Variants in ADK observed in about 807,000 individuals in gnomAD.
The protein encoded by ADK is adenosine kinase.
ADK carries 24 observed loss-of-function variants against 44.7 expected under a neutral mutation model. That is an observed-to-expected ratio of 0.54 (90% confidence interval 0.39 to 0.76). The LOEUF (loss-of-function observed/expected upper bound fraction) is 0.76. Among genes scored for constraint, ADK ranks in the 30% least tolerant of loss-of-function variants. The pLI is 0.00. For missense variants in ADK, 321 were observed against 425.1 expected (o/e 0.76, Z 2.15); for synonymous variants, 128 against 142.6 (o/e 0.90, Z 0.73).
chr10:74,371,757 A>C (rs531308543), intron 4 of ADK: 10 of 1,376,242 alleles, frequency 7.3e-6, no homozygotes, highest in Non-Finnish European at 1.0e-5. Context: ...TGCTGATGTC[A>C]GTGTTATATC....
intron 9 of ADK, among the ~76,000 whole-genome samples, chr10:74,645,099 G>A (rs1278802090): frequency 6.6e-6 from 1 of 152,154 alleles, no homozygotes; most frequent in Non-Finnish European, 1.5e-5. Flanking sequence ...TTTCAAAATT[G>A]TATTCTTCTA....
intron 4 of ADK, among the ~76,000 whole-genome samples, chr10:74,389,130 T>C (rs1044518817): frequency 6.6e-6 from 1 of 152,216 alleles, no homozygotes; most frequent in Non-Finnish European, 1.5e-5. Flanking sequence ...TTCTAGAGCC[T>C]GCTACTCACT....
intron 1 of ADK, among the ~76,000 whole-genome samples, chr10:74,154,224 C>T (rs150102622): frequency 3.4e-3 from 513 of 152,060 alleles, no homozygotes; most frequent in African/African-American, 0.011. Flanking sequence ...CACATGTGTC[C>T]TTTCTATCTC....
chr10:74,516,507 G>GCTTTT (rs1166122511), intron 6 of ADK, among the ~76,000 whole-genome samples: 5 of 146,676 alleles, frequency 3.4e-5, no homozygotes, highest in East Asian at 3.9e-4. Flanking sequence ...CTCCTTTATT[G>GCTTTT]CTTTTCTTTT....
intron 3 of ADK, among the ~76,000 whole-genome samples, chr10:74,299,333 A>AC (rs1839922867): frequency 5.2e-5 from 1 of 19,298 alleles, no homozygotes; most frequent in Admixed American, 6.2e-4. Flanking sequence ...ATCTCTACTT[A>AC]AAAAAAAAAA....
intron 9 of ADK, among the ~76,000 whole-genome samples, chr10:74,624,335 T>G (rs1589308330): frequency 6.6e-6 from 1 of 152,188 alleles, no homozygotes; most frequent in Non-Finnish European, 1.5e-5. Context: ...TCTCTGCTGT[T>G]GTTAAGCTAT....
chr10:74,226,920 C>T (rs1198203132), intron 3 of ADK, among the ~76,000 whole-genome samples: 1 of 151,912 alleles, frequency 6.6e-6, no homozygotes, highest in Admixed American at 6.6e-5. Context: ...ACCTACATAC[C>T]AAAGAAAACT....
chr10:74,211,359 A>G (rs1022750610), intron 2 of ADK, among the ~76,000 whole-genome samples: 1 of 152,172 alleles, frequency 6.6e-6, no homozygotes, highest in Non-Finnish European at 1.5e-5. Context: ...TTATCCTTAC[A>G]AATATTTCTT....
In ADK at chr10:74,551,313, C is replaced by T. The variant is rs1450539379; in HGVS notation, c.726+25887C>T. On this transcript the variant is annotated intron_variant, in intron 7 of 10. Transcript: ENST00000539909. ...GAACAATAACACCTCTAGAAGAAAT[C>T]GTATGAAAATATCATGGTCTTGGTT... 3.9e-5 allele frequency: 6 copies of T among 152,240 alleles called. No individual in the cohort carries two copies. In the South Asian group the frequency reaches 6.2e-4, roughly 16 times the overall value. 9.4% of individuals were successfully genotyped at this position (152,240 alleles called of 1,614,324 possible).
intron 6 of ADK, among the ~76,000 whole-genome samples, chr10:74,466,518 A>G (rs1846364297): frequency 6.6e-6 from 1 of 152,148 alleles, no homozygotes; most frequent in Non-Finnish European, 1.5e-5. Context: ...TTATCATCTC[A>G]AAGGGAAAAG....
chr10:74,500,921 G>A (rs1421173870), intron 6 of ADK, among the ~76,000 whole-genome samples: 2 of 152,162 alleles, frequency 1.3e-5, no homozygotes, highest in Non-Finnish European at 2.9e-5. Flanking sequence ...AGAAGAAAAT[G>A]TCAGGGTCAA....
At chr10:74,423,740 C>A in intron 6 of ADK, 1 of 436,828 alleles carries the variant, frequency 2.3e-6, no homozygotes, top group African/African-American at 2.1e-5. Context: ...CATTTCTTGG[C>A]TGGTGCAAAT....
intron 6 of ADK, among the ~76,000 whole-genome samples, chr10:74,473,502 G>T (rs1478997503): frequency 1.3e-5 from 2 of 152,170 alleles, no homozygotes; most frequent in African/African-American, 4.8e-5. Context: ...TCATTGTCAT[G>T]TTGCTCTGTC....
intron 6 of ADK, among the ~76,000 whole-genome samples, chr10:74,426,305 G>T (rs1006643028): frequency 6.6e-6 from 1 of 152,100 alleles, no homozygotes; most frequent in South Asian, 2.1e-4. Flanking sequence ...AAATAATTTT[G>T]TGAAGGTTAT....
chr10:74,576,748 T>G (rs2133879139), intron 7 of ADK, among the ~76,000 whole-genome samples: 1 of 152,270 alleles, frequency 6.6e-6, no homozygotes, highest in Non-Finnish European at 1.5e-5. Context: ...ATGCCACTAC[T>G]TTGTAACCAC....
intron 1 of ADK, among the ~76,000 whole-genome samples, chr10:74,200,488 A>G (rs1366998757): frequency 3.3e-5 from 5 of 149,556 alleles, no homozygotes; most frequent in Admixed American, 3.3e-4. Context: ...CCGTGTCCAA[A>G]AAAAAAAAAA....
intron 2 of ADK, among the ~76,000 whole-genome samples, chr10:74,213,151 A>G (rs1367432859): frequency 1.3e-5 from 2 of 152,140 alleles, no homozygotes; most frequent in African/African-American, 4.8e-5. Context: ...TGTGTTGCCC[A>G]GTCTGGAGTG....
intron 6 of ADK, among the ~76,000 whole-genome samples, chr10:74,506,799 T>G (rs1848093973): frequency 6.6e-6 from 1 of 152,238 alleles, no homozygotes; most frequent in South Asian, 2.1e-4. Flanking sequence ...TTTTATAGTT[T>G]TATGATAGTG....
At chr10:74,290,043 G>T (rs1268051754) in intron 3 of ADK, among the ~76,000 whole-genome samples, 1 of 150,760 alleles carries the variant, frequency 6.6e-6, no homozygotes, top group African/African-American at 2.4e-5. Context: ...TTAAAAAAAG[G>T]AATTTAGGGA....
Sources: gnomAD v4.1 joint callset for allele counts (sites outside exome capture counted in the v4.1 genomes callset) on GRCh38, gnomAD v4.1.1 for gene constraint, MANE v1.5 for transcripts, NCBI Gene and HGNC (gene_info 2026-07-23, HGNC 2026-07-21) for gene names.